The following COPS2 variants were observed in gnomAD, a reference collection of about 807,000 sequenced individuals.
COPS2 encodes the protein COP9 signalosome subunit 2.
In COPS2, 10 loss-of-function variants were observed where a neutral mutation model predicts 66.1. That is an observed-to-expected ratio of 0.15 (90% CI 0.09 to 0.26). COPS2 has a LOEUF of 0.26. COPS2 is among the 10% of genes least tolerant of loss of function. The pLI is 1.00. For synonymous variants in COPS2, 179 were observed against 171.3 expected, an observed-to-expected ratio of 1.04 and a Z score of -0.35; for missense variants, 215 against 513.3, an observed-to-expected ratio of 0.42 and a Z score of 5.62.
intron 4 of COPS2, 186 bp downstream of exon 4, chr15:49,139,342 T>C: frequency 2.0e-6 from 1 of 497,996 alleles, no homozygotes; most frequent in South Asian, 2.8e-5. Context: ...CTGGAGTTAT[T>C]ACCTTTTACT....
intron 1 of COPS2, among the ~76,000 whole-genome samples, chr15:49,147,295 G>A (rs1417312148): frequency 6.6e-6 from 1 of 152,118 alleles, no homozygotes; most frequent in Non-Finnish European, 1.5e-5. Context: ...CCTTCAGAAT[G>A]CAGCCTTGAA....
intron 9 of COPS2, 100 bp downstream of exon 9, chr15:49,133,659 G>T: frequency 1.4e-6 from 1 of 699,758 alleles, no homozygotes; most frequent in Non-Finnish European, 2.4e-6. Context: ...ATACAAAAGG[G>T]CAAATGTTGA....
At chr15:49,129,414 A>G (rs2141122068) in intron 11 of COPS2, 63 bp downstream of exon 11, 1 of 588,700 alleles carries the variant, frequency 1.7e-6, no homozygotes, top group Admixed American at 4.1e-5. Context: ...TAAATGCAAG[A>G]CTGGTATACT....
intron 3 of COPS2, among the ~76,000 whole-genome samples, chr15:49,140,679 C>T (rs2084284345): frequency 6.6e-6 from 1 of 152,134 alleles, no homozygotes; most frequent in East Asian, 1.9e-4. Flanking sequence ...TAAGTCTAAC[C>T]TTATAACCTG....
At chr15:49,136,233 T>TTAAAAATA (rs1312138042) in intron 6 of COPS2, among the ~76,000 whole-genome samples, 4 of 152,246 alleles carry the variant, frequency 2.6e-5, no homozygotes, top group African/African-American at 7.2e-5. Flanking sequence ...TTGGAAGAGT[T>TTAAAAATA]TAAAAATATT....
At chr15:49,139,231 A>G (rs973777691) in intron 4 of COPS2, 11 of 223,928 alleles carry the variant, frequency 4.9e-5, no homozygotes, top group Admixed American at 3.6e-4. Context: ...AATGTAGTTT[A>G]TTAGAAGGAC....
At chr15:49,143,197 G>C (rs1447581147) in intron 3 of COPS2, among the ~76,000 whole-genome samples, 1 of 152,136 alleles carries the variant, frequency 6.6e-6, no homozygotes, top group Admixed American at 6.5e-5. Flanking sequence ...ATGACTTGAG[G>C]AACAGCAAGA....
chr15:49,143,632 C>G (rs2084302492), intron 3 of COPS2, among the ~76,000 whole-genome samples: 1 of 152,178 alleles, frequency 6.6e-6, no homozygotes, highest in Non-Finnish European at 1.5e-5. Context: ...TTATAATAAA[C>G]AGGAGAATTT....
In COPS2 at chr15:49,139,650, T is replaced by C; in HGVS notation, c.250A>G (p.Asn84Asp). 6.3e-7 allele frequency: 1 copy of C among 1,582,296 alleles called. No individual in the cohort carries two copies. The highest frequency in any genetic ancestry group is 8.6e-7 in the Non-Finnish European group (1 of 1,168,022). Residue 84 changes from asparagine (N) to aspartate (D), a missense_variant, in exon 4 of 13, where the codon AAC becomes GAC. By Grantham distance (23) the Asn-to-Asp change is conservative (BLOSUM62 1). Transcript: ENST00000388901. The stretch of plus-strand genomic sequence containing the variant: ...TATCTATTCATCATTTCTGGAAAGT[T>C]TGTCTGTGAGAAAAGAAAAATGAAT... The part of the protein sequence containing the change: ...QMIKINFKLT[N>D]FPEMMNRYKQ...
chr15:49,126,523 T>C lies in COPS2; in HGVS notation c.*1427A>G, dbSNP rs970123988. ...CTGCCACCCAGTTTTTACATAATAA[T>C]AACAAGCAATAGAAAAACCAAAGAA... On this transcript the variant is annotated 3_prime_UTR_variant, in exon 13 of 13. Coordinates refer to ENST00000388901, the MANE Select transcript of COPS2 (RefSeq NM_004236.4). 1.3e-5 allele frequency: 2 copies of C among 152,466 alleles called. No homozygotes were observed. Among genetic ancestry groups the C allele is most frequent in the Non-Finnish European group, 2.9e-5 (2 of 67,940 alleles). The allele number at this position is 152,466 out of a possible 1,614,324, so 9.4% of individuals were successfully genotyped here.
intron 3 of COPS2, among the ~76,000 whole-genome samples, chr15:49,139,913 T>A (rs1316436919): frequency 6.6e-6 from 1 of 152,234 alleles, no homozygotes; most frequent in African/African-American, 2.4e-5. Context: ...TTTCAGAAAT[T>A]GTCATTGCAC....
chr15:49,129,969 C>A (rs977836152), intron 10 of COPS2, among the ~76,000 whole-genome samples: 1 of 152,074 alleles, frequency 6.6e-6, no homozygotes, highest in Non-Finnish European at 1.5e-5. Context: ...TTTGTCTGTA[C>A]AATAGTTCTT....
intron 1 of COPS2, among the ~76,000 whole-genome samples, chr15:49,150,909 TA>T (rs939623171): frequency 7.3e-5 from 11 of 151,524 alleles, no homozygotes; most frequent in African/African-American, 2.7e-4. Flanking sequence ...ACCTAAAAGT[TA>T]AAAAAAATAA....
intron 6 of COPS2, among the ~76,000 whole-genome samples, chr15:49,136,892 G>A (rs189460816): frequency 1.6e-3 from 246 of 152,108 alleles, no homozygotes; most frequent in African/African-American, 5.3e-3. Flanking sequence ...AGGAGGCTGA[G>A]GTGGGAAGAC....
Position 49,137,146 on chromosome 15 carries a change from C to A in COPS2, c.540+4G>T. ...ATATTCAGAAAAAAATAAGGGAAAGCTACCTGGCACGACTGATGTAACTGG... is the reference window on the plus strand; with the variant it reads ...ATATTCAGAAAAAAATAAGGGAAAGATACCTGGCACGACTGATGTAACTGG... On this transcript the variant is annotated splice_donor_region_variant and intron_variant, in intron 6 of 12. Coordinates refer to ENST00000388901, the MANE Select transcript of COPS2 (RefSeq NM_004236.4). 1 of 1,560,160 alleles carries A rather than the reference C, an allele frequency of 6.4e-7. No homozygotes were observed. Among genetic ancestry groups the A allele is most frequent in the Non-Finnish European group, 8.7e-7 (1 of 1,154,032 alleles).
rs201135307 is a variant in COPS2, at chr15:49,146,989, C to CACCTCTACCTCTCT, written c.55-1912_55-1911insAGAGAGGTAGAGGT. Reference sequence around the variant, plus strand: ...TTTATGTGCTATTTCTCTCTCTTTCCACCTCTACCTCTACCTCTCTTCATC... The same window carrying CACCTCTACCTCTCT: ...TTTATGTGCTATTTCTCTCTCTTTCCACCTCTACCTCTCTACCTCTACCTCTACCTCTCTTCATC... On this transcript the variant is annotated intron_variant, in intron 1 of 12. Transcript: ENST00000388901. Among the ~76,000 whole-genome samples the CACCTCTACCTCTCT allele has an allele frequency of 5.7e-3, 873 of 152,168 alleles. 6 individuals carry two copies. Among genetic ancestry groups the CACCTCTACCTCTCT allele is most frequent in the African/African-American group, 0.02 (831 of 41,536 alleles).
chr15:49,155,464 G>A (rs943045224), intron 1 of COPS2, 61 bp downstream of exon 1: 6 of 1,555,382 alleles, frequency 3.9e-6, no homozygotes, highest in Admixed American at 1.7e-5. Flanking sequence ...CGGGCGCCCC[G>A]GCCCGGACCC....
intron 1 of COPS2, among the ~76,000 whole-genome samples, chr15:49,151,796 T>C (rs2084363345): frequency 6.6e-6 from 1 of 151,770 alleles, no homozygotes; most frequent in African/African-American, 2.4e-5. Flanking sequence ...ATTTCTTTTA[T>C]ATTCGTTTCT....
In COPS2 at chr15:49,124,683, T is replaced by C. The variant is rs1418626882; in HGVS notation, c.*3267A>G. ...TTCAAAATGTTTATCTTCTTCAAAA[T>C]GCTAGAAATATTTAGTCATAAATCC... On this transcript the variant is annotated 3_prime_UTR_variant, in exon 13 of 13. Coordinates refer to ENST00000388901, the MANE Select transcript of COPS2 (RefSeq NM_004236.4). The C allele has an allele frequency of 6.6e-6, 1 of 152,184 alleles. No individual in the cohort carries two copies. The allele number at this position is 152,184 out of a possible 1,614,324, so 9.4% of individuals were successfully genotyped here.
Sources: allele counts gnomAD v4.1 joint callset (sites outside exome capture counted in the v4.1 genomes callset), GRCh38; gene constraint gnomAD v4.1.1; transcripts MANE v1.5; gene names NCBI Gene and HGNC (gene_info 2026-07-23, HGNC 2026-07-21).